Variants in GPC3 observed in about 807,000 individuals in gnomAD.
The protein encoded by GPC3 is glypican 3.
In GPC3, 3 loss-of-function variants were observed where a neutral mutation model predicts 34.4. The observed-to-expected ratio is 0.09, with a 90% CI of 0.04 to 0.23. The LOEUF (loss-of-function observed/expected upper bound fraction) is 0.23. Among genes scored for constraint, GPC3 ranks in the 10% least tolerant of loss-of-function variants. The pLI is 1.00. For missense variants in GPC3, 351 were observed against 445.6 expected, an observed-to-expected ratio of 0.79 and a Z score of 1.91; for synonymous variants, 177 against 174.0, an observed-to-expected ratio of 1.02 and a Z score of -0.13.
intron 7 of GPC3, among the ~76,000 whole-genome samples, chrX:133,545,129 A>C (rs1195215259): frequency 4.5e-5 from 5 of 111,763 alleles, no homozygotes; most frequent in Non-Finnish European, 9.4e-5. Flanking sequence ...AGTCAGTAGA[A>C]GAAGAGGAGC....
intron 7 of GPC3, among the ~76,000 whole-genome samples, chrX:133,569,896 G>GTT (rs11396937): frequency 9.8e-6 from 1 of 102,199 alleles, no homozygotes; most frequent in African/African-American, 3.5e-5. Context: ...AAAAGAATGG[G>GTT]TTTTTTTTTT....
intron 2 of GPC3, among the ~76,000 whole-genome samples, chrX:133,855,530 GAT>G (rs756213198): frequency 7.0e-4 from 64 of 90,839 alleles, no homozygotes; most frequent in Admixed American, 1.4e-3. Context: ...GCTGTTACAA[GAT>G]ATATATATAT....
Position 133,764,070 on chromosome X carries a change from C to A in GPC3, c.338-9894G>T, listed in dbSNP as rs1485301591. On this transcript the variant is annotated intron_variant, in intron 2 of 7. Coordinates refer to ENST00000370818, the MANE Select transcript of GPC3 (RefSeq NM_004484.4). ...ATAAAGAAAATGTGGTAGATATATA[C>A]CATGGAATACTACACAGCCATAGAA... Among the ~76,000 whole-genome samples, 4 of 112,145 alleles carry A rather than the reference C, an allele frequency of 3.6e-5. No homozygotes were observed. The Admixed American group carries it at 3.8e-4, about 11-fold the overall frequency.
intron 6 of GPC3, among the ~76,000 whole-genome samples, chrX:133,623,808 C>A (rs2070262838): frequency 8.9e-6 from 1 of 111,817 alleles, no homozygotes; most frequent in Admixed American, 9.5e-5. Flanking sequence ...ACCAAGCGGA[C>A]CTAATAGACA....
intron 5 of GPC3, among the ~76,000 whole-genome samples, chrX:133,689,735 T>C (rs1188293610): frequency 8.9e-6 from 1 of 112,091 alleles, no homozygotes; most frequent in Non-Finnish European, 1.9e-5. Flanking sequence ...AACACATCAG[T>C]AAATAAATAT....
rs185334825 is a variant in GPC3, at chrX:133,945,499, T to C, written c.337+7551A>G. Reference sequence around the variant, plus strand: ...CTCTTTGATCAACAGCATGTCTATCTGGAGATTTCATACAGCCAGTCTCCT... The same window carrying C: ...CTCTTTGATCAACAGCATGTCTATCCGGAGATTTCATACAGCCAGTCTCCT... On this transcript the variant is annotated intron_variant, in intron 2 of 7. Coordinates refer to ENST00000370818, the MANE Select transcript of GPC3 (RefSeq NM_004484.4). 1.8e-4 allele frequency among the ~76,000 whole-genome samples: 20 copies of C among 111,667 alleles called. No individual in the cohort carries two copies. In the East Asian group the frequency reaches 5.7e-3, roughly 32 times the overall value.
chrX:133,806,177 C>T (rs190677079), intron 2 of GPC3, among the ~76,000 whole-genome samples: 179 of 112,167 alleles, frequency 1.6e-3, no homozygotes, highest in African/African-American at 5.5e-3. Context: ...GGTTTTCTAC[C>T]TTGTTTTCAT....
At chrX:133,611,614 T>C (rs1275248941) in intron 6 of GPC3, among the ~76,000 whole-genome samples, 7 of 112,286 alleles carry the variant, frequency 6.2e-5, no homozygotes, top group Non-Finnish European at 1.9e-5. Flanking sequence ...TCCATTTTGT[T>C]TCCCAGTCTC....
At chrX:133,802,632 TTAGAAGTGAATAACACA>T (rs1398760569) in intron 2 of GPC3, among the ~76,000 whole-genome samples, 2 of 112,216 alleles carry the variant, frequency 1.8e-5, no homozygotes, top group African/African-American at 3.2e-5. Context: ...ACAGGGCTAG[TTAGAAGTGAATAACACA>T]TATAAAACTG....
At chrX:133,779,809 A>T (rs2072027394) in intron 2 of GPC3, among the ~76,000 whole-genome samples, 1 of 110,549 alleles carries the variant, frequency 9.0e-6, no homozygotes, top group South Asian at 3.9e-4. Context: ...CCCCTCTCCT[A>T]CCACATCCTG....
chrX:133,634,718 T>A (rs2070400921), intron 6 of GPC3, among the ~76,000 whole-genome samples: 1 of 111,906 alleles, frequency 8.9e-6, no homozygotes, highest in African/African-American at 3.2e-5. Context: ...ATGGGGCAAC[T>A]TGTTGGGGTG....
chrX:133,740,113 T>C (rs754305314), intron 3 of GPC3, among the ~76,000 whole-genome samples: 2 of 112,210 alleles, frequency 1.8e-5, no homozygotes, highest in East Asian at 2.8e-4. Context: ...TGGTATCTCA[T>C]AGAGTTTTCG....
At chrX:133,803,989 C>CACACAA (rs1281738127) in intron 2 of GPC3, among the ~76,000 whole-genome samples, 9 of 108,270 alleles carry the variant, frequency 8.3e-5, no homozygotes, top group Non-Finnish European at 1.3e-4. Context: ...CACACACACA[C>CACACAA]ACACACACAC....
At chrX:133,788,532 C>T (rs972252489) in intron 2 of GPC3, among the ~76,000 whole-genome samples, 7 of 110,007 alleles carry the variant, frequency 6.4e-5, no homozygotes, top group African/African-American at 2.0e-4. Flanking sequence ...CCTTTCTATC[C>T]CCATCTCACA....
At chrX:133,612,856 C>T in intron 6 of GPC3, among the ~76,000 whole-genome samples, 1 of 112,228 alleles carries the variant, frequency 8.9e-6, no homozygotes, top group Middle Eastern at 4.6e-3. Flanking sequence ...ATATGACTTC[C>T]CCTTTGGTAA....
At chrX:133,591,648 C>T (rs866441417) in intron 7 of GPC3, among the ~76,000 whole-genome samples, 8 of 111,712 alleles carry the variant, frequency 7.2e-5, no homozygotes, top group East Asian at 2.8e-4. Flanking sequence ...TTCTTTTACA[C>T]GATAAATGTG....
At chrX:133,595,449 T>G (rs927687240) in intron 7 of GPC3, among the ~76,000 whole-genome samples, 4 of 111,757 alleles carry the variant, frequency 3.6e-5, no homozygotes, top group Non-Finnish European at 5.6e-5. Flanking sequence ...GAATACAAAT[T>G]TAAGGAATTT....
intron 6 of GPC3, among the ~76,000 whole-genome samples, chrX:133,634,319 C>T (rs929292261): frequency 3.6e-5 from 4 of 112,312 alleles, no homozygotes; most frequent in African/African-American, 1.3e-4. Context: ...AGCCATTACA[C>T]TCTTAGGTAT....
intron 5 of GPC3, among the ~76,000 whole-genome samples, chrX:133,668,942 G>A (rs1157833105): frequency 8.9e-6 from 1 of 111,874 alleles, no homozygotes; most frequent in African/African-American, 3.3e-5. Context: ...GGAAACAATG[G>A]ATGAGCTGCT....
Sources: allele counts gnomAD v4.1 joint callset (sites outside exome capture counted in the v4.1 genomes callset), GRCh38; gene constraint gnomAD v4.1.1; transcripts MANE v1.5; gene names NCBI Gene and HGNC (gene_info 2026-07-23, HGNC 2026-07-21).